Variants in ZMYM1 observed in about 807,000 individuals in gnomAD.
The protein encoded by ZMYM1 is zinc finger MYM-type containing 1, also known as zinc finger MYM-type protein 1.
Under a neutral mutation model 60.0 loss-of-function variants are expected in ZMYM1, and 39 were observed. The observed-to-expected ratio is 0.65, with a 90% CI of 0.50 to 0.85. The LOEUF (loss-of-function observed/expected upper bound fraction) is 0.85. ZMYM1 is among the 40% of genes least tolerant of loss of function. The probability of loss-of-function intolerance (pLI) is 0.00; values close to 1 mark genes in which losing one functional copy is unlikely to be tolerated. For synonymous variants in ZMYM1, 413 were observed against 454.0 expected (o/e 0.91, Z 1.15); for missense variants, 1,171 against 1,309.5 (o/e 0.89, Z 1.63).
chr1:35,078,365 A>C (rs1165309273), upstream of ZMYM1, among the ~76,000 whole-genome samples: 1 of 152,050 alleles, frequency 6.6e-6, no homozygotes, highest in African/African-American at 2.4e-5. Flanking sequence ...TAATTGTCAA[A>C]TATGATTATA....
At chr1:35,105,918 C>T (rs910558165) in intron 6 of ZMYM1, among the ~76,000 whole-genome samples, 1 of 151,948 alleles carries the variant, frequency 6.6e-6, no homozygotes, top group Non-Finnish European at 1.5e-5. Flanking sequence ...TTTTTAATTC[C>T]ACGTGTTTAA....
intron 6 of ZMYM1, among the ~76,000 whole-genome samples, chr1:35,106,285 C>T (rs1643886676): frequency 6.6e-6 from 1 of 151,854 alleles, no homozygotes; most frequent in African/African-American, 2.4e-5. Flanking sequence ...ATTTTGAGAC[C>T]CAACTCTATC....
At chr1:35,107,775 AGCC>A (rs1643942420) in intron 6 of ZMYM1, among the ~76,000 whole-genome samples, 1 of 152,232 alleles carries the variant, frequency 6.6e-6, no homozygotes, top group African/African-American at 2.4e-5. Context: ...ATATTAAGTT[AGCC>A]TTCCCTTATG....
At chr1:35,099,777 C>T (rs185642179) in intron 4 of ZMYM1, among the ~76,000 whole-genome samples, 1 of 152,164 alleles carries the variant, frequency 6.6e-6, no homozygotes, top group Non-Finnish European at 1.5e-5. Flanking sequence ...GTTTCCCAGG[C>T]TGATCTTAAA....
chr1:35,082,455 C>T (rs1403292948), intron 1 of ZMYM1, among the ~76,000 whole-genome samples: 2 of 151,378 alleles, frequency 1.3e-5, no homozygotes, highest in African/African-American at 4.9e-5. Flanking sequence ...CTCAGCTTCC[C>T]GAGTAGCTGG....
At chr1:35,069,650 A>T (rs12086485) in intron 1 of ZMYM1, among the ~76,000 whole-genome samples, 15,948 of 151,816 alleles carry the variant, frequency 0.11, 2,609 homozygotes, top group African/African-American at 0.35. Flanking sequence ...TATTTTTTTA[A>T]AAAAATTGCC....
chr1:35,068,514 A>T (rs1219687870), intron 1 of ZMYM1, among the ~76,000 whole-genome samples: 2 of 151,486 alleles, frequency 1.3e-5, no homozygotes, highest in Non-Finnish European at 2.9e-5. Context: ...AACAGAGGGT[A>T]GACAGTCAAG....
intron 6 of ZMYM1, among the ~76,000 whole-genome samples, chr1:35,106,656 A>T (rs527868727): frequency 4.0e-4 from 61 of 152,074 alleles, no homozygotes; most frequent in African/African-American, 1.3e-3. Context: ...GAGTCAAAAC[A>T]AGCCATAATT....
intron 1 of ZMYM1, among the ~76,000 whole-genome samples, chr1:35,063,836 T>TAGGA (rs998890368): frequency 1.4e-4 from 21 of 152,144 alleles, no homozygotes; most frequent in Admixed American, 1.0e-3. Context: ...GAAAGAAATA[T>TAGGA]AGGAAGGATC....
intron 4 of ZMYM1, among the ~76,000 whole-genome samples, chr1:35,100,252 A>C (rs1383721256): frequency 6.6e-6 from 1 of 152,096 alleles, no homozygotes; most frequent in Non-Finnish European, 1.5e-5. Flanking sequence ...GTTTTGAGTC[A>C]ATGCACTTTT....
intron 3 of ZMYM1, 65 bp downstream of exon 3, chr1:35,095,956 T>C (rs1643292690): frequency 8.3e-7 from 1 of 1,209,350 alleles, no homozygotes. Context: ...TCATTCTTTT[T>C]TAATGCCTTT....
At chr1:35,062,121 C>A (rs182310687) in intron 1 of ZMYM1, among the ~76,000 whole-genome samples, 246 of 152,246 alleles carry the variant, frequency 1.6e-3, no homozygotes, top group Admixed American at 3.3e-3. Context: ...TGAGCCACTG[C>A]GCCCAGCCTT....
intron 1 of ZMYM1, among the ~76,000 whole-genome samples, chr1:35,081,475 A>T (rs559016957): frequency 6.6e-6 from 1 of 151,996 alleles, no homozygotes; most frequent in South Asian, 2.1e-4. Flanking sequence ...CCCTGCTGGG[A>T]TTTTCATCTA....
At chr1:35,102,733 G>A (rs2148539788) in intron 4 of ZMYM1, among the ~76,000 whole-genome samples, 1 of 152,244 alleles carries the variant, frequency 6.6e-6, no homozygotes, top group East Asian at 1.9e-4. Context: ...CATGAAAAAA[G>A]TGGCTAATTC....
intron 4 of ZMYM1, 99 bp from the exon 5 acceptor site, chr1:35,104,196 C>T: frequency 1.8e-6 from 2 of 1,100,054 alleles, no homozygotes; most frequent in Non-Finnish European, 2.5e-6. Context: ...TATTTCAAGG[C>T]TAATGTTCTT....
At chr1:35,117,796 C>T (rs1049904711), downstream of ZMYM1, among the ~76,000 whole-genome samples, 5 of 151,820 alleles carry the variant, frequency 3.3e-5, no homozygotes, top group East Asian at 2.0e-4. Context: ...TAAAATTAGC[C>T]GGGCGTGGTG....
In ZMYM1 at chr1:35,114,699, ACTTC is replaced by A; in HGVS notation, c.2870_2873del (p.Thr957LysfsTer15). 6.3e-7 allele frequency: 1 copy of A among 1,580,810 alleles called. No homozygotes were observed. Among genetic ancestry groups the A allele is most frequent in the Non-Finnish European group, 8.6e-7 (1 of 1,167,228 alleles). Reference sequence around the variant, plus strand: ...CAATTCAGATAATATGTTTTTTCCTACTTCAACAGAAGAACAATATAAAATTAAT... The same window carrying A: ...CAATTCAGATAATATGTTTTTTCCTAAACAGAAGAACAATATAAAATTAAT... On this transcript the variant is annotated frameshift_variant, in exon 10 of 10. Transcript: ENST00000359858. LOFTEE classifies it low-confidence loss of function (END_TRUNC).
chr1:35,086,127 A>T (rs1244877792), intron 1 of ZMYM1, among the ~76,000 whole-genome samples: 3 of 152,214 alleles, frequency 2.0e-5, no homozygotes, highest in African/African-American at 4.8e-5. Context: ...CACAGAAAAT[A>T]TTGAAGATTT....
rs565803831 is a variant in ZMYM1, at chr1:35,109,859, G to C, written c.808-435G>C. ...CCACCCAGGTTCAAGTGATTCTCCTGCCTCAGCCTCCTGAGTAACTGTGAT... is the reference window on the plus strand; with the variant it reads ...CCACCCAGGTTCAAGTGATTCTCCTCCCTCAGCCTCCTGAGTAACTGTGAT... On this transcript the variant is annotated intron_variant, in intron 6 of 9. Coordinates refer to ENST00000359858, the MANE Select transcript of ZMYM1 (RefSeq NM_024772.5). Among the ~76,000 whole-genome samples, 4 of 151,992 alleles carry C rather than the reference G, an allele frequency of 2.6e-5. No homozygotes were observed. In the East Asian group the frequency reaches 7.8e-4, roughly 29 times the overall value.
Sources: gnomAD v4.1 joint callset for allele counts (sites outside exome capture counted in the v4.1 genomes callset) on GRCh38, gnomAD v4.1.1 for gene constraint, MANE v1.5 for transcripts, NCBI Gene and HGNC (gene_info 2026-07-23, HGNC 2026-07-21) for gene names.